TMC8: variants seen among roughly 807,000 people sequenced by gnomAD.
The protein encoded by TMC8 is transmembrane channel-like protein 8.
Under a neutral mutation model 76.0 loss-of-function variants are expected in TMC8, and 71 were observed. The observed-to-expected ratio is 0.93, with a 90% CI of 0.77 to 1.14. The LOEUF is 1.14. Among genes scored for constraint, TMC8 ranks in the 50% most tolerant of loss-of-function variants. The pLI is 0.00. For missense variants in TMC8, 924 were observed against 947.9 expected (o/e 0.97, Z 0.33); for synonymous variants, 433 against 433.8 (o/e 1.00, Z 0.02).
chr17:78,135,551 C>T (rs1475911456), intron 9 of TMC8, among the ~76,000 whole-genome samples: 1 of 152,188 alleles, frequency 6.6e-6, no homozygotes, highest in African/African-American at 2.4e-5. Flanking sequence ...CTGGGACTAC[C>T]ACTCCCAGGT....
Position 78,138,014 on chromosome 17 carries a change from G to A in TMC8, c.1359G>A (p.Val453=). 6.2e-7 allele frequency: 1 copy of A among 1,613,958 alleles called. No homozygotes were observed. The highest frequency in any genetic ancestry group is 1.3e-5 in the African/African-American group (1 of 75,054). ...CCTCCCATCCCTGCAGGCTGCTGGT[G>A]GACCGGTTCTCAGGCCGGTTCTGGG... ...FLVTLPRRLL[V]DRFSGRFWAW... is the part of the protein sequence containing the mutation. Residue 453 remains valine (V), a synonymous_variant, in exon 12 of 16, where the codon GTG becomes GTA. Coordinates refer to ENST00000318430, the MANE Select transcript of TMC8 (RefSeq NM_152468.5).
intron 1 of TMC8, 78 bp from the exon 2 acceptor site, chr17:78,131,203 T>G (rs2074955328): frequency 5.6e-6 from 2 of 359,074 alleles, no homozygotes; most frequent in African/African-American, 4.4e-5. Flanking sequence ...GGATGCGGGG[T>G]GCAGCAGGTC....
chr17:78,140,527 G>A (rs1012769448), intron 15 of TMC8, among the ~76,000 whole-genome samples: 15 of 151,358 alleles, frequency 9.9e-5, no homozygotes, highest in Non-Finnish European at 1.5e-4. Context: ...TGGTCTCAGG[G>A]TGCGTTGGGG....
chr17:78,138,212 A>G (rs895782821), intron 12 of TMC8, 24 bp downstream of exon 12: 1 of 1,613,370 alleles, frequency 6.2e-7, no homozygotes, highest in Non-Finnish European at 8.5e-7. Flanking sequence ...GCTGGGGGGT[A>G]TGGGGTTCGT....
chr17:78,132,451 G>T lies in TMC8; in HGVS notation c.391G>T (p.Val131Leu), dbSNP rs144981818. 1.2e-6 allele frequency: 2 copies of T among 1,612,366 alleles called. No individual in the cohort carries two copies. Among genetic ancestry groups the T allele is most frequent in the Non-Finnish European group, 8.5e-7 (1 of 1,179,568 alleles). The change falls in exon 4 of 16, where the codon GTG becomes TTG. Residue 131 changes from valine (V) to leucine (L), a missense_variant. By Grantham distance (32) the Val-to-Leu change is conservative. Coordinates refer to ENST00000318430, the MANE Select transcript of TMC8 (RefSeq NM_152468.5). ...GAGCCTGCTGCTCACCGCAAGCTTC[G>T]TGCTGCTGCCCCTGGTCTGGCTCCG... is the stretch of plus-strand genomic sequence containing the variant. ...LLSLLLTASF[V>L]LLPLVWLRPP...
rs748223948 is a variant in TMC8, at chr17:78,132,386, A to G, written c.326A>G (p.Tyr109Cys). ...CTCTTCGGCACAGGAATTCGGTCCT[A>G]CTTCACCTTCCTCCGCTTCCTGCTG... is the stretch of plus-strand genomic sequence containing the variant. ...GGLFGTGIRSYFTFLRFLLLL... is the reference protein window; with the variant it reads ...GGLFGTGIRSCFTFLRFLLLL... The change falls in exon 4 of 16, where the codon TAC becomes TGC. Residue 109 changes from tyrosine to cysteine, a missense_variant. Transcript: ENST00000318430. 1.2e-6 allele frequency: 2 copies of G among 1,613,032 alleles called. No individual in the cohort carries two copies. Among genetic ancestry groups the G allele is most frequent in the Non-Finnish European group, 1.7e-6 (2 of 1,179,744 alleles).
intron 9 of TMC8, among the ~76,000 whole-genome samples, chr17:78,135,846 G>A (rs906783427): frequency 1.3e-5 from 2 of 152,102 alleles, no homozygotes; most frequent in Non-Finnish European, 2.9e-5. Context: ...CTGAGGTCAG[G>A]AGTTCGAGAC....
intron 15 of TMC8, among the ~76,000 whole-genome samples, chr17:78,139,443 T>A (rs1025290805): frequency 1.3e-5 from 2 of 152,012 alleles, no homozygotes; most frequent in Non-Finnish European, 2.9e-5. Context: ...ACCTGGTAAG[T>A]ACATGACCTT....
In TMC8 at chr17:78,133,448, G is replaced by C; in HGVS notation, c.574G>C (p.Gly192Arg). 2 of 1,613,764 alleles carry C rather than the reference G, an allele frequency of 1.2e-6. No homozygotes were observed. Among genetic ancestry groups the C allele is most frequent in the Non-Finnish European group, 1.7e-6 (2 of 1,180,042 alleles). Residue 192 changes from glycine to arginine, a missense_variant, in exon 6 of 16, where the codon GGG becomes CGG. Gly to Arg is a moderately radical substitution (Grantham distance 125). Coordinates refer to ENST00000318430, the MANE Select transcript of TMC8 (RefSeq NM_152468.5). ...TCTCTTCTACGGTGCGTACCGAGTG[G>C]GGCCGGAGAGCAGCTCCGTGTACAG... The part of the protein sequence containing the change: ...TYLFYGAYRV[G>R]PESSSVYSIR...
intron 15 of TMC8, 123 bp from the exon 16 acceptor site, chr17:78,140,711 G>T: frequency 7.4e-7 from 1 of 1,342,728 alleles, no homozygotes; most frequent in Non-Finnish European, 1.0e-6. Context: ...CGGGCGGGGC[G>T]TGGCCTCTGG....
rs1386177374 is a variant in TMC8 at position 78,138,691 on chromosome 17, G to A, written c.1782G>A (p.Leu594=). 6.2e-6 allele frequency: 10 copies of A among 1,612,668 alleles called. No individual in the cohort carries two copies. The highest frequency in any genetic ancestry group is 5.5e-5 in the South Asian group (5 of 91,086). Residue 594 remains leucine, a synonymous_variant, in exon 14 of 16, where the codon CTG becomes CTA. Coordinates refer to ENST00000318430, the MANE Select transcript of TMC8 (RefSeq NM_152468.5). ...TTGGCCAGCGTGCCCTCCACTACCT[G>A]GGCTCCCACGCCTTCAGCTTCCCCC... ...PPIGQRALHY[L]GSHAFSFPLL...
At chr17:78,135,445 C>T (rs989271794) in intron 9 of TMC8, among the ~76,000 whole-genome samples, 5 of 152,180 alleles carry the variant, frequency 3.3e-5, no homozygotes, top group African/African-American at 1.2e-4. Context: ...ATGAGTGAAG[C>T]GCCCAGCCAA....
Position 78,131,365 on chromosome 17 carries a change from C to A in TMC8, c.-224C>A. Reference sequence around the variant, plus strand: ...GAATTCGACCGCAGCAGGATTCTCTCTCATTTCTGAGCCCCGGAGGTGGCA... The same window carrying A: ...GAATTCGACCGCAGCAGGATTCTCTATCATTTCTGAGCCCCGGAGGTGGCA... On this transcript the variant is annotated 5_prime_UTR_variant, in exon 2 of 16. Transcript: ENST00000318430. The A allele has an allele frequency of 1.6e-6, 1 of 632,680 alleles. No individual in the cohort carries two copies. The highest frequency in any genetic ancestry group is 2.7e-6 in the Non-Finnish European group (1 of 365,826). 39.2% of individuals were successfully genotyped at this position (632,680 alleles called of 1,614,324 possible).
intron 7 of TMC8, 43 bp from the exon 8 acceptor site, chr17:78,134,351 C>T (rs1245227193): frequency 1.9e-6 from 3 of 1,600,510 alleles, no homozygotes; most frequent in Admixed American, 1.7e-5. Context: ...CCTCCCATGC[C>T]CACCCCGCCT....
Position 78,140,938 on chromosome 17 carries a change from G to A in TMC8, c.2007G>A (p.Ser669=). The A allele has an allele frequency of 1.3e-6, 2 of 1,595,910 alleles. No homozygotes were observed. The highest frequency in any genetic ancestry group is 1.1e-5 in the South Asian group (1 of 88,790). The change falls in exon 16 of 16, where the codon TCG becomes TCA. Residue 669 remains serine, a synonymous_variant. Coordinates refer to ENST00000318430, the MANE Select transcript of TMC8 (RefSeq NM_152468.5). ...CCAAGTACCCTGCCTCCCAAGCTTCGCGCCCGCAGTCCTTCTGCCCCGGAT... is the reference window on the plus strand; with the variant it reads ...CCAAGTACCCTGCCTCCCAAGCTTCACGCCCGCAGTCCTTCTGCCCCGGAT... ...PGPKYPASQA[S]RPQSFCPGCP... is the part of the protein sequence containing the mutation.
At position 78,137,734 on chromosome 17, in the gene TMC8, G is replaced by C. The variant is rs376603334; in HGVS notation, c.1269G>C (p.Val423=). The part of the protein sequence containing the change: ...VCDYQCWENS[V]GEELYKLSIF... ...CACCCCAGTGCTGGGAGAACTCCGT[G>C]GGGGAGGAGCTGTACAAGCTGAGTA... Residue 423 remains valine (V), a synonymous_variant, in exon 11 of 16, where the codon GTG becomes GTC. Coordinates refer to ENST00000318430, the MANE Select transcript of TMC8 (RefSeq NM_152468.5). The C allele has an allele frequency of 3.7e-6, 6 of 1,613,554 alleles. No homozygotes were observed. The highest frequency in any genetic ancestry group is 2.2e-5 in the East Asian group (1 of 44,890).
chr17:78,133,258 C>G, intron 5 of TMC8, 148 bp from the exon 6 acceptor site: 1 of 1,285,522 alleles, frequency 7.8e-7, no homozygotes. Flanking sequence ...ACCGTGGGCA[C>G]GTTGCCGAAC....
In TMC8 at chr17:78,131,602, G is replaced by A; in HGVS notation, c.14G>A (p.Arg5Gln). 1 of 1,547,312 alleles carries A rather than the reference G, an allele frequency of 6.5e-7. No individual in the cohort carries two copies. The highest frequency in any genetic ancestry group is 8.7e-7 in the Non-Finnish European group (1 of 1,147,270). Reference protein sequence around the residue: MLLPRSVSSERAPGV... With the variant: MLLPQSVSSERAPGV... ...GTGCCCGCCGAGATGCTGCTGCCGCGGTCGGTGTCATCGGAGCGGGCCCCT... is the reference window on the plus strand; with the variant it reads ...GTGCCCGCCGAGATGCTGCTGCCGCAGTCGGTGTCATCGGAGCGGGCCCCT... The change falls in exon 2 of 16, where the codon CGG (arginine) becomes CAG (glutamine). Residue 5 changes from arginine to glutamine, a missense_variant. Arg to Gln is a conservative substitution (Grantham distance 43, BLOSUM62 1). Transcript: ENST00000318430.
intron 8 of TMC8, 65 bp from the exon 9 acceptor site, chr17:78,134,805 G>A (rs916658617): frequency 1.2e-6 from 2 of 1,606,824 alleles, no homozygotes; most frequent in Non-Finnish European, 1.7e-6. Context: ...AGGGCACTGT[G>A]GGGGGCGGGG....
Sources: allele counts gnomAD v4.1 joint callset (sites outside exome capture counted in the v4.1 genomes callset), GRCh38; gene constraint gnomAD v4.1.1; transcripts MANE v1.5; gene names NCBI Gene and HGNC (gene_info 2026-07-23, HGNC 2026-07-21).